ARRB1: variants seen among roughly 807,000 people sequenced by gnomAD.
ARRB1 encodes the protein beta-arrestin-1.
A neutral mutation model predicts 56.8 loss-of-function variants in ARRB1; 21 were observed. The ratio of observed to expected loss-of-function variants is 0.37; its 90% CI spans 0.26 to 0.53. The LOEUF (loss-of-function observed/expected upper bound fraction) is 0.53, where lower values mean the gene tolerates loss of function less well. ARRB1 is among the 20% of genes least tolerant of loss of function. ARRB1 has a pLI of 0.88. For missense variants in ARRB1, 424 were observed against 553.7 expected (o/e 0.77, Z 2.35); for synonymous variants, 210 against 218.6 (o/e 0.96, Z 0.35).
chr11:75,294,930 C>T (rs1946695996), intron 1 of ARRB1, among the ~76,000 whole-genome samples: 1 of 151,946 alleles, frequency 6.6e-6, no homozygotes, highest in African/African-American at 2.4e-5. Context: ...GTGGCCTAAA[C>T]CAACACAAAC....
intron 1 of ARRB1, among the ~76,000 whole-genome samples, chr11:75,293,061 G>A (rs1946645649): frequency 6.6e-6 from 1 of 152,014 alleles, no homozygotes; most frequent in Non-Finnish European, 1.5e-5. Flanking sequence ...GAGGAGAGGA[G>A]AGGGGCAAGG....
At chr11:75,338,177 T>G (rs1053448674) in intron 1 of ARRB1, among the ~76,000 whole-genome samples, 3 of 151,702 alleles carry the variant, frequency 2.0e-5, no homozygotes, top group African/African-American at 7.3e-5. Flanking sequence ...ACCTAGAGAA[T>G]GGGGACTTTC....
intron 2 of ARRB1, among the ~76,000 whole-genome samples, chr11:75,288,621 T>C (rs1402899401): frequency 1.3e-5 from 2 of 150,306 alleles, no homozygotes; most frequent in Non-Finnish European, 3.0e-5. Context: ...TCTTTCTTTT[T>C]TTTTTTTTTT....
intron 1 of ARRB1, among the ~76,000 whole-genome samples, chr11:75,290,331 G>A (rs1946578156): frequency 6.6e-6 from 1 of 152,172 alleles, no homozygotes; most frequent in Non-Finnish European, 1.5e-5. Context: ...CTCAAGTGAG[G>A]AAAAGCCTGG....
In ARRB1 at chr11:75,289,835, T is replaced by TCAACTGACAGCTC. The variant is rs570151877; in HGVS notation, c.51+161_51+173dup. Among the ~76,000 whole-genome samples, 151 of 152,272 alleles carry TCAACTGACAGCTC rather than the reference T, an allele frequency of 9.9e-4. 2 individuals are homozygous for TCAACTGACAGCTC. Among genetic ancestry groups the TCAACTGACAGCTC allele is most frequent in the African/African-American group, 3.6e-3 (149 of 41,554 alleles). On this transcript the variant is annotated intron_variant, in intron 2 of 15. Coordinates refer to ENST00000420843, the MANE Select transcript of ARRB1 (RefSeq NM_004041.5). ...GTTTCCTGAGTGTGTCCCTCCCCCT[T>TCAACTGACAGCTC]CAACTGACAGCTCCAAGAGAGAGAG...
chr11:75,313,080 T>G (rs1022766237), intron 1 of ARRB1, among the ~76,000 whole-genome samples: 3 of 152,014 alleles, frequency 2.0e-5, no homozygotes, highest in African/African-American at 7.3e-5. Flanking sequence ...AGGCCAGGTG[T>G]GGTGGCTCAC....
chr11:75,339,394 GT>G (rs1378803573), intron 1 of ARRB1, among the ~76,000 whole-genome samples: 1 of 152,168 alleles, frequency 6.6e-6, no homozygotes, highest in African/African-American at 2.4e-5. Flanking sequence ...TTTCACCCTA[GT>G]TTTTTTGTCC....
intron 9 of ARRB1, among the ~76,000 whole-genome samples, 163 bp from the exon 10 acceptor site, chr11:75,277,074 C>A (rs994844233): frequency 2.6e-5 from 4 of 152,232 alleles, no homozygotes; most frequent in Non-Finnish European, 5.9e-5. Flanking sequence ...CAAAGGGTAG[C>A]CCCAAACACA....
intron 1 of ARRB1, among the ~76,000 whole-genome samples, chr11:75,327,586 G>C (rs1947460513): frequency 1.1e-5 from 1 of 93,782 alleles, no homozygotes; most frequent in East Asian, 2.5e-4. Flanking sequence ...GTTTTGTTTT[G>C]TTTTTTGTTT....
chr11:75,316,759 A>AT (rs908134368), intron 1 of ARRB1, among the ~76,000 whole-genome samples: 7 of 151,592 alleles, frequency 4.6e-5, no homozygotes, highest in South Asian at 2.1e-4. Context: ...CTTTAAAAAA[A>AT]TTTTTTTTTA....
At chr11:75,271,779 G>A in intron 12 of ARRB1, 55 bp from the exon 13 acceptor site, 3 of 1,532,594 alleles carry the variant, frequency 2.0e-6, no homozygotes, top group Admixed American at 4.2e-5. Context: ...CAGAGAGGAA[G>A]AAAACAAAAA....
intron 7 of ARRB1, among the ~76,000 whole-genome samples, chr11:75,280,707 T>C (rs775657194): frequency 6.6e-6 from 1 of 152,162 alleles, no homozygotes; most frequent in Non-Finnish European, 1.5e-5. Context: ...GGAGGAAAAC[T>C]GGAAAATGAG....
At chr11:75,299,911 A>G (rs551795026) in intron 1 of ARRB1, among the ~76,000 whole-genome samples, 2 of 150,574 alleles carry the variant, frequency 1.3e-5, no homozygotes, top group East Asian at 3.9e-4. Flanking sequence ...ATGAAGTTTA[A>G]AAAGATGGTG....
chr11:75,337,208 T>C (rs916338831), intron 1 of ARRB1, among the ~76,000 whole-genome samples: 1 of 152,050 alleles, frequency 6.6e-6, no homozygotes, highest in Non-Finnish European at 1.5e-5. Flanking sequence ...CCCAACACTA[T>C]GGGAGGCTGA....
At chr11:75,271,612 C>T (rs1213878343) in intron 13 of ARRB1, 89 bp downstream of exon 13, 1 of 1,392,040 alleles carries the variant, frequency 7.2e-7, no homozygotes, top group African/African-American at 1.5e-5. Flanking sequence ...TTCCTTCCAA[C>T]CCAGTGCCCT....
intron 1 of ARRB1, among the ~76,000 whole-genome samples, chr11:75,315,290 G>T (rs1947247255): frequency 6.6e-6 from 1 of 152,036 alleles, no homozygotes; most frequent in African/African-American, 2.4e-5. Context: ...ACCTCGCTAT[G>T]GGACAGCCAG....
At chr11:75,267,598 A>ACCCCCCCCCCCCCCCCCCCCCCC in intron 15 of ARRB1, 54 bp downstream of exon 15, 1 of 1,419,702 alleles carries the variant, frequency 7.0e-7, no homozygotes, top group Non-Finnish European at 9.9e-7. Context: ...GACCCCCTCC[A>ACCCCCCCCCCCCCCCCCCCCCCC]CCCCGCCCAC....
intron 1 of ARRB1, among the ~76,000 whole-genome samples, chr11:75,335,952 G>C (rs1321843621): frequency 6.6e-6 from 1 of 152,198 alleles, no homozygotes; most frequent in Non-Finnish European, 1.5e-5. Flanking sequence ...GCATACTAAA[G>C]ATGCCAAGGG....
intron 4 of ARRB1, among the ~76,000 whole-genome samples, chr11:75,283,810 T>G (rs1030995722): frequency 3.5e-5 from 5 of 141,356 alleles, no homozygotes; most frequent in South Asian, 2.3e-4. Flanking sequence ...AGGCCTGGGG[T>G]GGGGGTAGGG....
Sources: allele counts gnomAD v4.1 joint callset (sites outside exome capture counted in the v4.1 genomes callset), GRCh38; gene constraint gnomAD v4.1.1; transcripts MANE v1.5; gene names NCBI Gene and HGNC (gene_info 2026-07-23, HGNC 2026-07-21).